EEFSEC: variants seen among roughly 807,000 people sequenced by gnomAD.
The protein encoded by EEFSEC is selenocysteine-specific elongation factor.
EEFSEC carries 43 observed loss-of-function variants against 42.1 expected under a neutral mutation model. The observed-to-expected ratio is 1.02, with a 90% CI of 0.80 to 1.32. The LOEUF is 1.32. Among genes scored for constraint, EEFSEC ranks in the 40% most tolerant of loss-of-function variants. The pLI, the probability that EEFSEC is intolerant of heterozygous loss-of-function variation, is 0.00. For synonymous variants in EEFSEC, 354 were observed against 339.1 expected, an observed-to-expected ratio of 1.04 and a Z score of -0.48; for missense variants, 745 against 803.6, an observed-to-expected ratio of 0.93 and a Z score of 0.88.
chr3:128,323,433 C>G lies in EEFSEC; in HGVS notation c.787-17800C>G, dbSNP rs72977305. The stretch of plus-strand genomic sequence containing the variant: ...CCATGCCATTCTGTCGGCTCTGGCC[C>G]GGAACTGACCTTTGTTATTTGAAGT... On this transcript the variant is annotated intron_variant, in intron 4 of 6. Coordinates refer to ENST00000254730, the MANE Select transcript of EEFSEC (RefSeq NM_021937.5). 7.1e-3 allele frequency among the ~76,000 whole-genome samples: 1,075 copies of G among 152,298 alleles called. 4 individuals carry two copies. The highest frequency in any genetic ancestry group is 0.01 in the Non-Finnish European group (682 of 68,018).
At chr3:128,419,354 G>A in the EEFSEC span, among the ~76,000 whole-genome samples, 1 of 152,192 alleles carries the variant, frequency 6.6e-6, no homozygotes, top group African/African-American at 2.4e-5. Context: ...AAGGAAGGAA[G>A]TCTGAGTGTC....
At chr3:128,255,042 A>T (rs28664962) in intron 2 of EEFSEC, among the ~76,000 whole-genome samples, 1 of 152,168 alleles carries the variant, frequency 6.6e-6, no homozygotes, top group Non-Finnish European at 1.5e-5. Context: ...ATGCCATCCC[A>T]TATCAGAGGC....
rs1480226746 is a variant in EEFSEC at position 128,153,615 on chromosome 3, T to G, written c.108T>G (p.Phe36Leu). The change falls in exon 1 of 7, where the codon TTT becomes TTG. Residue 36 changes from phenylalanine to leucine, a missense_variant. Phe to Leu is a conservative substitution (Grantham distance 22). Coordinates refer to ENST00000254730, the MANE Select transcript of EEFSEC (RefSeq NM_021937.5). ...ALSTTASTAA[F>L]DKQPQSRERG... ...GCACCACAGCCTCCACCGCCGCCTT[T>G]GACAAGCAGCCGCAGAGCCGCGAGC... The G allele has an allele frequency of 1.4e-5, 23 of 1,596,084 alleles. No homozygotes were observed. Among genetic ancestry groups the G allele is most frequent in the Non-Finnish European group, 1.8e-5 (21 of 1,177,156 alleles).
At chr3:128,417,383 C>T in the EEFSEC span, among the ~76,000 whole-genome samples, 1 of 152,080 alleles carries the variant, frequency 6.6e-6, no homozygotes, top group Non-Finnish European at 1.5e-5. The surrounding 1 kb of genome is among the most constrained non-coding windows in gnomAD (Gnocchi z 4.3). Context: ...TACTCCCTCC[C>T]GCCTCAGGGC....
chr3:128,257,388 T>C (rs1576585721), intron 2 of EEFSEC, among the ~76,000 whole-genome samples: 1 of 152,336 alleles, frequency 6.6e-6, no homozygotes, highest in Non-Finnish European at 1.5e-5. Context: ...CACCTGCCAC[T>C]TGCTGGGATA....
chr3:128,166,701 A>C (rs2065245421), intron 1 of EEFSEC, among the ~76,000 whole-genome samples: 1 of 150,400 alleles, frequency 6.6e-6, no homozygotes, highest in East Asian at 2.0e-4. Flanking sequence ...GGACACCTCC[A>C]CTCTCCCAAG....
intron 5 of EEFSEC, among the ~76,000 whole-genome samples, chr3:128,349,233 G>T (rs112005530): frequency 2.0e-5 from 3 of 152,124 alleles, no homozygotes; most frequent in Non-Finnish European, 2.9e-5. Flanking sequence ...CACCCTGCAG[G>T]GGGGAGTAAT....
At chr3:128,159,588 A>G (rs533103578) in intron 1 of EEFSEC, among the ~76,000 whole-genome samples, 5 of 152,180 alleles carry the variant, frequency 3.3e-5, no homozygotes, top group African/African-American at 7.2e-5. Context: ...CCATAGGACA[A>G]TGGTCTGGCT....
At chr3:128,329,516 G>C (rs1416745082) in intron 4 of EEFSEC, among the ~76,000 whole-genome samples, 2 of 152,220 alleles carry the variant, frequency 1.3e-5, no homozygotes, top group Non-Finnish European at 2.9e-5. Flanking sequence ...CAAGTGGCGG[G>C]GGCTGTGGGG....
chr3:128,339,817 G>A (rs1036776048), intron 4 of EEFSEC, among the ~76,000 whole-genome samples: 2 of 152,140 alleles, frequency 1.3e-5, no homozygotes, highest in African/African-American at 4.8e-5. Context: ...CGTGGCTGAG[G>A]AGGCTTCACA....
intron 4 of EEFSEC, among the ~76,000 whole-genome samples, chr3:128,332,156 CAT>C (rs748421058): frequency 2.5e-4 from 38 of 151,978 alleles, no homozygotes; most frequent in Non-Finnish European, 4.1e-4. Flanking sequence ...TATATATACA[CAT>C]GTTATATACA....
At chr3:128,251,873 A>T (rs1244795048) in intron 2 of EEFSEC, among the ~76,000 whole-genome samples, 4 of 152,154 alleles carry the variant, frequency 2.6e-5, no homozygotes, top group Admixed American at 1.3e-4. Context: ...ATAAGCATTT[A>T]TCAATGTTAA....
downstream of EEFSEC, among the ~76,000 whole-genome samples, chr3:128,412,820 G>T (rs1186995450): frequency 1.3e-5 from 2 of 152,216 alleles, no homozygotes; most frequent in Admixed American, 6.5e-5. Context: ...AGTGGGGCTC[G>T]CAAGGCTCTA....
At chr3:128,316,293 T>G (rs1032881150) in intron 4 of EEFSEC, among the ~76,000 whole-genome samples, 2 of 152,234 alleles carry the variant, frequency 1.3e-5, no homozygotes, top group Admixed American at 6.5e-5. Flanking sequence ...CCTTTTTTAA[T>G]GCACACAAAT....
intron 4 of EEFSEC, among the ~76,000 whole-genome samples, chr3:128,316,681 G>C (rs550805281): frequency 6.6e-6 from 1 of 152,320 alleles, no homozygotes; most frequent in Non-Finnish European, 1.5e-5. Flanking sequence ...AGCCTGCCTG[G>C]AGCTCAGCAC....
chr3:128,405,051 C>G (rs1022132743), intron 6 of EEFSEC, among the ~76,000 whole-genome samples: 1 of 149,902 alleles, frequency 6.7e-6, no homozygotes, highest in Admixed American at 6.7e-5. Flanking sequence ...GAGTCTCGCT[C>G]TGTTGCCCAG....
intron 4 of EEFSEC, among the ~76,000 whole-genome samples, chr3:128,310,523 C>T (rs1301159328): frequency 6.6e-6 from 1 of 152,150 alleles, no homozygotes; most frequent in Non-Finnish European, 1.5e-5. Context: ...TTACAGGAGG[C>T]CCACAGAGAG....
chr3:128,187,927 G>A (rs978139538), intron 1 of EEFSEC, among the ~76,000 whole-genome samples: 1 of 152,246 alleles, frequency 6.6e-6, no homozygotes, highest in African/African-American at 2.4e-5. Flanking sequence ...GGACAATCCA[G>A]AGAAGGCTTG....
intron 5 of EEFSEC, among the ~76,000 whole-genome samples, chr3:128,351,970 G>A (rs755174567): frequency 9.9e-5 from 15 of 152,216 alleles, no homozygotes; most frequent in South Asian, 4.1e-4. Flanking sequence ...TTGGTTTGAC[G>A]TCACAATGAT....
Sources: gnomAD v4.1 joint callset for allele counts (sites outside exome capture counted in the v4.1 genomes callset) on GRCh38, gnomAD v4.1.1 for gene constraint, Gnocchi (gnomAD v3.1) non-coding constraint, MANE v1.5 for transcripts, NCBI Gene and HGNC (gene_info 2026-07-23, HGNC 2026-07-21) for gene names.